Variants in ANKRD36C observed in about 807,000 individuals in gnomAD.
ANKRD36C encodes ankyrin repeat domain 36C, also known as ankyrin repeat domain-containing protein 36C.
ANKRD36C carries 61 observed loss-of-function variants against 276.4 expected under a neutral mutation model. The ratio of observed to expected loss-of-function variants is 0.22; its 90% CI spans 0.18 to 0.27. ANKRD36C has a LOEUF of 0.27. Among genes scored for constraint, ANKRD36C ranks in the 10% least tolerant of loss-of-function variants. The probability of loss-of-function intolerance (pLI) is 1.00; values close to 1 mark genes in which losing one functional copy is unlikely to be tolerated. For synonymous variants in ANKRD36C, 483 were observed against 680.1 expected, an observed-to-expected ratio of 0.71 and a Z score of 4.51; for missense variants, 1,447 against 2,032.3, an observed-to-expected ratio of 0.71 and a Z score of 5.54.
chr2:95,855,281 C>G (rs781207092), exon 63 of ANKRD36C: 136 of 1,593,040 alleles, frequency 8.5e-5, no homozygotes, highest in Middle Eastern at 1.7e-4. Flanking sequence ...TTTCTGCTTT[C>G]TCTTTTTCAT....
At chr2:95,853,960 C>A in intron 63 of ANKRD36C, 99 bp from the exon 84 acceptor site, 1 of 1,415,224 alleles carries the variant, frequency 7.1e-7, no homozygotes, top group Admixed American at 2.4e-5. Context: ...AAAAATATCA[C>A]CACACAGACC....
intron 42 of ANKRD36C, 100 bp downstream of exon 46, chr2:95,910,273 G>C: frequency 7.7e-7 from 1 of 1,305,074 alleles, no homozygotes; most frequent in Non-Finnish European, 1.0e-6. Flanking sequence ...TGCTGAATCA[G>C]AAAGTGCAGC....
At chr2:95,886,444 A>C (rs563683810) in intron 50 of ANKRD36C, among the ~76,000 whole-genome samples, 200 bp from the exon 71 acceptor site, 1 of 151,500 alleles carries the variant, frequency 6.6e-6, no homozygotes, top group Non-Finnish European at 1.5e-5. Flanking sequence ...AGAAATATAC[A>C]CTAAGCATTT....
chr2:95,979,611 G>A (rs1323925958), intron 5 of ANKRD36C, among the ~76,000 whole-genome samples: 1 of 151,992 alleles, frequency 6.6e-6, no homozygotes, highest in Admixed American at 6.6e-5. Flanking sequence ...AGGATGGCAT[G>A]GAAGCTTCCA....
intron 50 of ANKRD36C, among the ~76,000 whole-genome samples, chr2:95,887,041 T>A (rs1573740536): frequency 6.6e-6 from 1 of 151,326 alleles, no homozygotes; most frequent in Non-Finnish European, 1.5e-5. Context: ...TCATTGAAAA[T>A]TACCATTTTA....
At chr2:95,918,155 T>C (rs1677159896) in intron 34 of ANKRD36C, 113 bp from the exon 37 acceptor site, 1 of 1,452,926 alleles carries the variant, frequency 6.9e-7, no homozygotes, top group Admixed American at 2.0e-5. Context: ...TAGTGTAGGC[T>C]CTGATGTCTT....
chr2:95,961,477 C>T lies in ANKRD36C; in HGVS notation c.902-810G>A, dbSNP rs188543537. Among the ~76,000 whole-genome samples, 16 of 152,138 alleles carry T rather than the reference C, an allele frequency of 1.1e-4. No homozygotes were observed. In the East Asian group the frequency reaches 2.9e-3, roughly 28 times the overall value. On this transcript the variant is annotated intron_variant, in intron 8 of 66. Coordinates refer to ENST00000456556, the Ensembl canonical transcript of ANKRD36C. Reference sequence around the variant, plus strand: ...CTCTCATATTCATTGAAAATAACCACTTTAGGAGTCAATTAATGAATTCAA... The same window carrying T: ...CTCTCATATTCATTGAAAATAACCATTTTAGGAGTCAATTAATGAATTCAA...
At chr2:95,919,733 C>G (rs1677214382) in intron 34 of ANKRD36C, 1 of 875,570 alleles carries the variant, frequency 1.1e-6, no homozygotes, top group African/African-American at 1.9e-5. Flanking sequence ...TGCAAATTAC[C>G]TGTCTCAGAT....
intron 8 of ANKRD36C, 59 bp downstream of exon 8, chr2:95,962,293 G>A: frequency 6.6e-7 from 1 of 1,513,116 alleles, no homozygotes; most frequent in Non-Finnish European, 8.9e-7. Flanking sequence ...TTTATTCAGG[G>A]AACAGCAGTT....
In ANKRD36C at chr2:95,857,167, T is replaced by C. The variant is rs2950727; in HGVS notation, c.4080+142A>G. 520 of 1,032,154 alleles carry C rather than the reference T, an allele frequency of 5.0e-4. 1 individual carries two copies. The highest frequency in any genetic ancestry group is 3.0e-3 in the Admixed American group (86 of 28,312). The allele number at this position is 1,032,154 out of a possible 1,614,324, so 63.9% of individuals were successfully genotyped here. ...CAAGATTTATTATAAATAATTATAGTTATAAATGCCATGATTCATTTTTAA... is the reference window on the plus strand; with the variant it reads ...CAAGATTTATTATAAATAATTATAGCTATAAATGCCATGATTCATTTTTAA... On this transcript the variant is annotated intron_variant, in intron 62 of 66. Transcript: ENST00000456556.
rs1677695399 is a variant in ANKRD36C at position 95,935,651 on chromosome 2, A to G, written c.1634-7T>C. Reference sequence around the variant, plus strand: ...GGAGGTCGCTCAGAAGATTCTACAAAGCAAAAGGGACACATAATTAAGTTT... The same window carrying G: ...GGAGGTCGCTCAGAAGATTCTACAAGGCAAAAGGGACACATAATTAAGTTT... On this transcript the variant is annotated splice_polypyrimidine_tract_variant and splice_region_variant and intron_variant, in intron 22 of 66. Transcript: ENST00000456556. The G allele has an allele frequency of 6.5e-7, 1 of 1,535,854 alleles. No homozygotes were observed. Among genetic ancestry groups the G allele is most frequent in the East Asian group, 2.4e-5 (1 of 40,910 alleles).
exon 56 of ANKRD36C, chr2:95,882,367 A>C (rs1676104097): frequency 6.4e-7 from 1 of 1,550,452 alleles, no homozygotes; most frequent in Non-Finnish European, 8.7e-7. Context: ...TTTCTTTTTA[A>C]ATATAACCTG....
rs1250861668 is a variant in ANKRD36C, at chr2:95,884,255, A to T, written c.3193-10T>A. 6.2e-7 allele frequency: 1 copy of T among 1,610,070 alleles called. No homozygotes were observed. Among genetic ancestry groups the T allele is most frequent in the African/African-American group, 1.3e-5 (1 of 74,886 alleles). On this transcript the variant is annotated splice_polypyrimidine_tract_variant and intron_variant, in intron 53 of 66. Transcript: ENST00000456556. ...TCTCATCACCTGTAGCCTGAATGGAATTTGAAACAAAATAATAAATCAATA... is the reference window on the plus strand; with the variant it reads ...TCTCATCACCTGTAGCCTGAATGGATTTTGAAACAAAATAATAAATCAATA...
chr2:95,956,467 C>G (rs1678329494), intron 13 of ANKRD36C, among the ~76,000 whole-genome samples: 1 of 152,192 alleles, frequency 6.6e-6, no homozygotes. Flanking sequence ...CTGCATAGGT[C>G]TGTATCCATC....
intron 62 of ANKRD36C, 71 bp downstream of exon 82, chr2:95,857,238 T>G: frequency 6.4e-7 from 1 of 1,552,750 alleles, no homozygotes; most frequent in Non-Finnish European, 8.7e-7. Flanking sequence ...TAATGTACAT[T>G]AAACAAAAGA....
In ANKRD36C at chr2:95,855,312, G is replaced by A. The variant is rs201490056; in HGVS notation, c.4949C>T (p.Ser1650Leu). ...TTCATATTGGCATTTTTTTTCTTTC[G>A]AATGATTCAATTCATTCACCAACAT... Residue 1650 changes from serine to leucine, a missense_variant, in exon 63 of 67, where the codon TCG becomes TTG. This residue lies in a region of ANKRD36C where 437 missense variants were observed against 641.0 expected (regional missense o/e 0.68). Transcript: ENST00000456556. 2.8e-5 allele frequency: 45 copies of A among 1,600,748 alleles called. No individual in the cohort carries two copies. The Admixed American group carries it at 4.0e-4, about 14-fold the overall frequency.
At chr2:95,962,544 G>A in exon 7 of ANKRD36C, 1 of 1,600,532 alleles carries the variant, frequency 6.2e-7, no homozygotes, top group Non-Finnish European at 8.5e-7. Flanking sequence ...TTTCTGAGAA[G>A]ACACTGAAAA....
Position 95,855,169 on chromosome 2 carries a change from T to A in ANKRD36C, c.4995+97A>T, listed in dbSNP as rs1170388966. On this transcript the variant is annotated intron_variant, in intron 63 of 66. Coordinates refer to ENST00000456556, the Ensembl canonical transcript of ANKRD36C. ...ATATATTTATCATATGTATCCTTTT[T>A]TATATTCAACTAGATCCAACATTCA... is the stretch of plus-strand genomic sequence containing the variant. 6 of 1,439,906 alleles carry A rather than the reference T, an allele frequency of 4.2e-6. No homozygotes were observed. In the Admixed American group the frequency reaches 1.6e-4, roughly 40 times the overall value. 89.2% of individuals were successfully genotyped at this position (1,439,906 alleles called of 1,614,324 possible). A position where few individuals can be genotyped will look rare whatever the true frequency, so the allele number is the denominator to read the frequency against.
intron 12 of ANKRD36C, 45 bp from the exon 13 acceptor site, chr2:95,956,861 C>T: frequency 1.4e-6 from 2 of 1,475,032 alleles, no homozygotes; most frequent in South Asian, 2.5e-5. Flanking sequence ...ACAATAGGAA[C>T]CTATAAAATA....
Sources: allele counts gnomAD v4.1 joint callset (sites outside exome capture counted in the v4.1 genomes callset), GRCh38; gene constraint gnomAD v4.1.1; regional missense constraint gnomAD v4.1.1; transcripts MANE v1.5; gene names NCBI Gene and HGNC (gene_info 2026-07-23, HGNC 2026-07-21).